Variants in FRMD4A observed in about 807,000 individuals in gnomAD.
FRMD4A encodes FERM domain-containing protein 4A.
Under a neutral mutation model 129.1 loss-of-function variants are expected in FRMD4A, and 29 were observed. The observed-to-expected ratio is 0.22, with a 90% CI of 0.17 to 0.31. The LOEUF is 0.31. Ranked by LOEUF, FRMD4A falls within the 10% of genes least tolerant of loss-of-function variation. The pLI, the probability that FRMD4A is intolerant of heterozygous loss-of-function variation, is 1.00. For missense variants in FRMD4A, 1,272 were observed against 1,375.8 expected (o/e 0.92, Z 1.19); for synonymous variants, 634 against 571.6 (o/e 1.11, Z -1.56).
chr10:14,149,406 C>T (rs1203187819), intron 2 of FRMD4A, among the ~76,000 whole-genome samples: 1 of 152,160 alleles, frequency 6.6e-6, no homozygotes, highest in African/African-American at 2.4e-5. Flanking sequence ...GTGGCATGAT[C>T]ATAGCTCACT....
chr10:13,713,876 G>A (rs374346516), intron 12 of FRMD4A, among the ~76,000 whole-genome samples: 1 of 10,026 alleles, frequency 1.0e-4, no homozygotes, highest in Non-Finnish European at 1.9e-4. Flanking sequence ...ATACATATAT[G>A]TAATATATAT....
chr10:14,207,018 G>A (rs1842803519), intron 2 of FRMD4A, among the ~76,000 whole-genome samples: 1 of 151,824 alleles, frequency 6.6e-6, no homozygotes, highest in Admixed American at 6.6e-5. Context: ...GGCCTACGAA[G>A]ACTTCTGCCC....
At chr10:14,328,369 TGG>T (rs35809656) in intron 2 of FRMD4A, among the ~76,000 whole-genome samples, 1,415 of 90,882 alleles carry the variant, frequency 0.016, 40 homozygotes, top group African/African-American at 0.075. Flanking sequence ...TGTGTGTGGG[TGG>T]GGGGGGGGGG....
intron 3 of FRMD4A, among the ~76,000 whole-genome samples, chr10:13,834,094 T>C (rs2093834449): frequency 6.6e-6 from 1 of 152,020 alleles, no homozygotes; most frequent in Admixed American, 6.6e-5. Context: ...CGAAACCCTG[T>C]CTCTACTAAA....
intron 14 of FRMD4A, among the ~76,000 whole-genome samples, chr10:13,699,192 A>AT (rs995617478): frequency 1.6e-4 from 22 of 141,272 alleles, no homozygotes; most frequent in Non-Finnish European, 2.3e-4. Flanking sequence ...AGTAGCTGAG[A>AT]TTACAGATGC....
At chr10:13,891,645 A>G (rs2094698060) in intron 2 of FRMD4A, 1 of 985,236 alleles carries the variant, frequency 1.0e-6, no homozygotes. Context: ...TGCGCTTCCA[A>G]GGGATCCGAG....
intron 12 of FRMD4A, among the ~76,000 whole-genome samples, chr10:13,722,328 C>G (rs992996104): frequency 6.7e-6 from 1 of 149,634 alleles, no homozygotes; most frequent in African/African-American, 2.5e-5. Context: ...AATTCCTGGG[C>G]TCAAGTAACC....
At chr10:14,242,930 G>T (rs912431820) in intron 2 of FRMD4A, among the ~76,000 whole-genome samples, 8 of 152,326 alleles carry the variant, frequency 5.3e-5, no homozygotes, top group Admixed American at 2.6e-4. Context: ...CAGATATTTT[G>T]AGACACCATG....
At chr10:13,843,746 T>C (rs1242200912) in intron 3 of FRMD4A, among the ~76,000 whole-genome samples, 1 of 152,086 alleles carries the variant, frequency 6.6e-6, no homozygotes, top group Non-Finnish European at 1.5e-5. Context: ...GATCTACCTG[T>C]CTCAGCCTCC....
At chr10:14,033,938 A>G (rs1262993490) in intron 2 of FRMD4A, among the ~76,000 whole-genome samples, 11 of 152,158 alleles carry the variant, frequency 7.2e-5, no homozygotes, top group Non-Finnish European at 8.8e-5. Flanking sequence ...GAATAAAATC[A>G]CCTCATTTGC....
rs868701833 is a variant in FRMD4A at position 14,004,410 on chromosome 10, C to T, written c.46-145498G>A. 8.5e-5 allele frequency among the ~76,000 whole-genome samples: 13 copies of T among 152,196 alleles called. No individual in the cohort carries two copies. In the South Asian group the frequency reaches 1.0e-3, roughly 12 times the overall value. ...ATATAAAATTATCCAAGTGTGGTGG[C>T]GCACGCCTGTAATACCAGTTGCTCT... On this transcript the variant is annotated intron_variant, in intron 2 of 24. Transcript: ENST00000357447.
intron 24 of FRMD4A, chr10:13,647,979 G>C (rs1408442734): frequency 2.6e-5 from 4 of 152,002 alleles, no homozygotes; most frequent in African/African-American, 9.6e-5. Context: ...ACCCAAAGTA[G>C]TTCAGAGCGG....
intron 2 of FRMD4A, among the ~76,000 whole-genome samples, chr10:14,203,826 G>A (rs72778642): frequency 1.2e-3 from 183 of 152,278 alleles, no homozygotes; most frequent in Non-Finnish European, 1.7e-3. Context: ...GCTCCTCCTC[G>A]AAAAGCATTC....
intron 2 of FRMD4A, among the ~76,000 whole-genome samples, chr10:14,071,971 G>A (rs1835339723): frequency 6.6e-6 from 1 of 152,160 alleles, no homozygotes; most frequent in Non-Finnish European, 1.5e-5. Context: ...TTACTACAAA[G>A]CACAGAGGAC....
chr10:14,099,649 G>A (rs964737927), intron 2 of FRMD4A, among the ~76,000 whole-genome samples: 1 of 152,176 alleles, frequency 6.6e-6, no homozygotes, highest in African/African-American at 2.4e-5. Context: ...GACCTGTGTA[G>A]TTCAAATCCA....
At chr10:13,763,925 G>A (rs900999358) in intron 6 of FRMD4A, among the ~76,000 whole-genome samples, 10 of 151,954 alleles carry the variant, frequency 6.6e-5, no homozygotes, top group African/African-American at 2.4e-4. Flanking sequence ...AGTACAGACG[G>A]GGTACCAGGT....
At chr10:14,289,325 A>G (rs1422802462) in intron 2 of FRMD4A, among the ~76,000 whole-genome samples, 1 of 152,090 alleles carries the variant, frequency 6.6e-6, no homozygotes, top group African/African-American at 2.4e-5. Flanking sequence ...CATCTTGACA[A>G]ATGTGACGTG....
At chr10:13,664,756 A>G (rs1382210366) in intron 18 of FRMD4A, among the ~76,000 whole-genome samples, 2 of 151,372 alleles carry the variant, frequency 1.3e-5, no homozygotes. Flanking sequence ...ACTGGCACGC[A>G]TGGTTACTCA....
intron 2 of FRMD4A, among the ~76,000 whole-genome samples, chr10:13,913,697 G>C (rs2094968068): frequency 1.3e-5 from 2 of 152,114 alleles, no homozygotes; most frequent in Non-Finnish European, 1.5e-5. Context: ...TGTATCCTTA[G>C]TACTAGTAGA....
Sources: allele counts gnomAD v4.1 joint callset (sites outside exome capture counted in the v4.1 genomes callset), GRCh38; gene constraint gnomAD v4.1.1; transcripts MANE v1.5; gene names NCBI Gene and HGNC (gene_info 2026-07-23, HGNC 2026-07-21).